Variants in NCALD observed in about 807,000 individuals in gnomAD.
NCALD encodes neurocalcin-delta.
NCALD carries 10 observed loss-of-function variants against 18.6 expected under a neutral mutation model. The ratio of observed to expected loss-of-function variants is 0.54; its 90% CI spans 0.33 to 0.91. NCALD has a LOEUF of 0.91. Among genes scored for constraint, NCALD ranks in the 40% least tolerant of loss-of-function variants. The probability of loss-of-function intolerance (pLI) is 0.03; values close to 1 mark genes in which losing one functional copy is unlikely to be tolerated. For synonymous variants in NCALD, 88 were observed against 87.4 expected (o/e 1.01, Z -0.04); for missense variants, 184 against 247.6 (o/e 0.74, Z 1.72).
At chr8:101,891,475 A>G (rs1816878239) in intron 3 of NCALD, among the ~76,000 whole-genome samples, 1 of 152,218 alleles carries the variant, frequency 6.6e-6, no homozygotes, top group Admixed American at 6.5e-5. Context: ...GTAGTATTCC[A>G]TTGTATGAAA....
chr8:101,692,394 C>G, intron 3 of NCALD: 9 of 985,398 alleles, frequency 9.1e-6, no homozygotes, highest in Non-Finnish European at 9.6e-6. Flanking sequence ...CTGTCGGCAT[C>G]TGGGTAGGAT....
intron 1 of NCALD, among the ~76,000 whole-genome samples, chr8:102,028,696 C>T (rs968758868): frequency 2.4e-4 from 36 of 152,292 alleles, no homozygotes; most frequent in South Asian, 1.2e-3. Flanking sequence ...TTCCTTTGCC[C>T]GCCATATGTG....
chr8:102,008,474 T>TAAAAAA (rs34867950), intron 2 of NCALD, among the ~76,000 whole-genome samples: 1 of 133,364 alleles, frequency 7.5e-6, no homozygotes, highest in Non-Finnish European at 1.6e-5. Flanking sequence ...TAAAGGCAGT[T>TAAAAAA]AAAAAAAAAA....
chr8:101,985,209 G>A (rs914081257), intron 2 of NCALD, among the ~76,000 whole-genome samples: 7 of 152,216 alleles, frequency 4.6e-5, no homozygotes, highest in East Asian at 3.9e-4. Flanking sequence ...CCCTCACCCC[G>A]GGTCTTCTGA....
At chr8:101,874,986 G>A (rs949187526) in intron 4 of NCALD, among the ~76,000 whole-genome samples, 4 of 152,172 alleles carry the variant, frequency 2.6e-5, no homozygotes, top group African/African-American at 9.7e-5. Flanking sequence ...GCAAGACTAA[G>A]TATGTTACCT....
intron 1 of NCALD, chr8:102,123,860 C>G (rs1199972114): frequency 6.6e-6 from 1 of 152,382 alleles, no homozygotes; most frequent in Non-Finnish European, 1.5e-5. Context: ...CTCCAGAGGT[C>G]CCCGGGCCGC....
At chr8:101,738,995 C>A (rs1330301531) in intron 1 of NCALD, among the ~76,000 whole-genome samples, 1 of 152,116 alleles carries the variant, frequency 6.6e-6, no homozygotes, top group African/African-American at 2.4e-5. Flanking sequence ...TGGCATTATC[C>A]CCCCATTTAG....
At chr8:101,857,009 T>C (rs1040132878) in intron 4 of NCALD, among the ~76,000 whole-genome samples, 31 of 152,154 alleles carry the variant, frequency 2.0e-4, no homozygotes, top group African/African-American at 6.3e-4. Flanking sequence ...TAGTGTATTA[T>C]ATATGTGACT....
intron 1 of NCALD, among the ~76,000 whole-genome samples, chr8:102,045,925 T>C (rs1257912294): frequency 2.6e-5 from 4 of 152,214 alleles, no homozygotes; most frequent in Non-Finnish European, 1.5e-5. Context: ...CCAATGTTTA[T>C]TGAGCCTATA....
intron 4 of NCALD, among the ~76,000 whole-genome samples, chr8:101,796,521 TA>T (rs1477197469): frequency 2.0e-5 from 3 of 151,772 alleles, no homozygotes; most frequent in African/African-American, 4.8e-5. Flanking sequence ...ATTAAGTCAC[TA>T]AAAAATACAA....
chr8:102,123,204 T>C (rs1825992819), intron 1 of NCALD, among the ~76,000 whole-genome samples: 1 of 152,254 alleles, frequency 6.6e-6, no homozygotes, highest in South Asian at 2.1e-4. Context: ...AGGAAAACTT[T>C]GAGCGAGCTT....
intron 1 of NCALD, chr8:102,020,360 C>A (rs144521598): frequency 6.6e-6 from 1 of 152,228 alleles, no homozygotes; most frequent in African/African-American, 2.4e-5. Flanking sequence ...CTAAATACAT[C>A]TAATAGATGT....
At chr8:101,947,168 C>T (rs1819208707) in intron 2 of NCALD, among the ~76,000 whole-genome samples, 1 of 152,142 alleles carries the variant, frequency 6.6e-6, no homozygotes, top group Non-Finnish European at 1.5e-5. Context: ...GGAAGTGGTC[C>T]AGTCAAAACA....
chr8:102,046,000 C>G (rs950468271), intron 1 of NCALD, among the ~76,000 whole-genome samples: 5 of 152,094 alleles, frequency 3.3e-5, no homozygotes, highest in African/African-American at 1.2e-4. Flanking sequence ...AATACATTCC[C>G]CAAAATAATT....
At chr8:101,738,775 C>T (rs1003806307) in intron 1 of NCALD, among the ~76,000 whole-genome samples, 2 of 152,128 alleles carry the variant, frequency 1.3e-5, no homozygotes, top group African/African-American at 4.8e-5. Flanking sequence ...CTTCTCTGTG[C>T]ATCAGTTTCC....
chr8:101,761,897 C>T (rs1250988039), intron 1 of NCALD, among the ~76,000 whole-genome samples: 4 of 152,192 alleles, frequency 2.6e-5, no homozygotes, highest in African/African-American at 7.2e-5. Flanking sequence ...TCCCCCGTTT[C>T]GGGGCCTCGA....
chr8:101,795,380 T>G (rs1386153260), upstream of NCALD, among the ~76,000 whole-genome samples: 7 of 152,172 alleles, frequency 4.6e-5, no homozygotes, highest in Admixed American at 3.9e-4. Flanking sequence ...CAGAAATGTA[T>G]GTCTCATAGT....
intron 1 of NCALD, among the ~76,000 whole-genome samples, chr8:101,784,059 A>G (rs935057362): frequency 6.6e-6 from 1 of 152,114 alleles, no homozygotes; most frequent in African/African-American, 2.4e-5. Context: ...TAAAACAGTA[A>G]CAACTTTTAT....
At chr8:101,878,191 G>T (rs1046290016) in intron 4 of NCALD, among the ~76,000 whole-genome samples, 20 of 152,194 alleles carry the variant, frequency 1.3e-4, no homozygotes, top group Admixed American at 1.0e-3. Context: ...ACATTCAACT[G>T]CAACTTCCTA....
Sources: gnomAD v4.1 joint callset for allele counts (sites outside exome capture counted in the v4.1 genomes callset) on GRCh38, gnomAD v4.1.1 for gene constraint, MANE v1.5 for transcripts, NCBI Gene and HGNC (gene_info 2026-07-23, HGNC 2026-07-21) for gene names.